The following ARHGAP17 variants were observed in gnomAD, a reference collection of about 807,000 sequenced individuals.
ARHGAP17 encodes the protein Rho GTPase activating protein 17.
ARHGAP17 carries 57 observed loss-of-function variants against 99.5 expected under a neutral mutation model. That is an observed-to-expected ratio of 0.57 (90% CI 0.46 to 0.71). The LOEUF (loss-of-function observed/expected upper bound fraction) is 0.71. ARHGAP17 is among the 30% of genes least tolerant of loss of function. The pLI, the probability that ARHGAP17 is intolerant of heterozygous loss-of-function variation, is 0.00. For synonymous variants in ARHGAP17, 417 were observed against 429.6 expected (o/e 0.97, Z 0.36); for missense variants, 1,000 against 1,122.4 (o/e 0.89, Z 1.56).
chr16:24,933,499 G>GAAA (rs555711611), intron 18 of ARHGAP17, among the ~76,000 whole-genome samples: 35 of 137,860 alleles, frequency 2.5e-4, no homozygotes, highest in African/African-American at 8.4e-4. Flanking sequence ...CATAAGAAAG[G>GAAA]AAAAAAAAAA....
intron 3 of ARHGAP17, among the ~76,000 whole-genome samples, chr16:24,974,430 A>G (rs1306008999): frequency 1.3e-5 from 2 of 152,104 alleles, no homozygotes; most frequent in Non-Finnish European, 2.9e-5. Flanking sequence ...TTCCATCTCA[A>G]AAAACAAACA....
intron 1 of ARHGAP17, among the ~76,000 whole-genome samples, chr16:24,987,189 A>G (rs2141407027): frequency 6.6e-6 from 1 of 152,342 alleles, no homozygotes; most frequent in Non-Finnish European, 1.5e-5. Context: ...TGCCACAGAC[A>G]TTGTATAAAT....
intron 9 of ARHGAP17, among the ~76,000 whole-genome samples, chr16:24,959,259 CT>C (rs770387058): frequency 3.3e-5 from 5 of 152,190 alleles, no homozygotes; most frequent in Non-Finnish European, 4.4e-5. Context: ...GTACTGGCTT[CT>C]CTTTTGGAAA....
chr16:24,986,145 A>C (rs1461952435), intron 1 of ARHGAP17, among the ~76,000 whole-genome samples: 2 of 152,218 alleles, frequency 1.3e-5, no homozygotes, highest in Non-Finnish European at 2.9e-5. Context: ...AATAGCCAAC[A>C]GTAGCAGCCA....
chr16:24,964,302 G>A lies in ARHGAP17; in HGVS notation c.468C>T (p.Asn156=), dbSNP rs774847731. 1.6e-5 allele frequency: 25 copies of A among 1,611,038 alleles called. No homozygotes were observed. The South Asian group carries it at 2.5e-4, about 16-fold the overall frequency. ...LDWDSVRARW[N]QAHKSSGTNF... ...TGGTTCCTGAGGATTTGTGAGCTTG[G>A]TTCCACCTGCAAAACAAAGGGGTCA... Residue 156 remains asparagine (N), a synonymous_variant, in exon 7 of 20, where the codon AAC becomes AAT. Coordinates refer to ENST00000289968, the MANE Select transcript of ARHGAP17 (RefSeq NM_001006634.3).
At chr16:24,988,367 G>T (rs1289516472) in intron 1 of ARHGAP17, among the ~76,000 whole-genome samples, 1 of 152,006 alleles carries the variant, frequency 6.6e-6, no homozygotes, top group Admixed American at 6.5e-5. Context: ...GCCTAACACT[G>T]AAAAGAAAAA....
chr16:24,933,310 C>G (rs1271422139), intron 18 of ARHGAP17, among the ~76,000 whole-genome samples: 1 of 151,762 alleles, frequency 6.6e-6, no homozygotes, highest in Admixed American at 6.6e-5. Flanking sequence ...CACAGTGAGA[C>G]CCCGACTCTA....
intron 1 of ARHGAP17, among the ~76,000 whole-genome samples, chr16:24,983,035 C>T (rs538131800): frequency 1.9e-5 from 2 of 102,900 alleles, no homozygotes; most frequent in Non-Finnish European, 3.5e-5. Flanking sequence ...GACAGGGTCT[C>T]GTTCTGTCAC....
rs758514204 is a variant in ARHGAP17 at position 24,968,721 on chromosome 16, G to A, written c.324C>T (p.Leu108=). 4 of 1,614,226 alleles carry A rather than the reference G, an allele frequency of 2.5e-6. No individual in the cohort carries two copies. The highest frequency in any genetic ancestry group is 3.4e-6 in the Non-Finnish European group (4 of 1,180,046). The change falls in exon 5 of 20, where the codon CTC becomes CTT. Residue 108 remains leucine, a synonymous_variant. Coordinates refer to ENST00000289968, the MANE Select transcript of ARHGAP17 (RefSeq NM_001006634.3). The stretch of plus-strand genomic sequence containing the variant: ...TCTCAACAAAGACTTCGTGCTGGGA[G>A]AGCTCGAGAGCCAGCTGATTCTCAG... ...GDAENQLALE[L]SQHEVFVEKE... is the part of the protein sequence containing the mutation.
At position 24,925,833 on chromosome 16, in the gene ARHGAP17, G is replaced by A. The variant is rs796652386; in HGVS notation, c.2515+4951C>T. Among the ~76,000 whole-genome samples the A allele has an allele frequency of 4.6e-5, 7 of 152,114 alleles. No individual in the cohort carries two copies. The South Asian group carries it at 8.3e-4, about 18-fold the overall frequency. ...GAAAAACTAAAAGAAAAAAAGGGGCGGGTGTGGTGGCTCACGCCTGTAATC... is the reference window on the plus strand; with the variant it reads ...GAAAAACTAAAAGAAAAAAAGGGGCAGGTGTGGTGGCTCACGCCTGTAATC... On this transcript the variant is annotated intron_variant, in intron 19 of 19. Transcript: ENST00000289968.
At chr16:24,951,357 G>T (rs1025831612) in intron 12 of ARHGAP17, among the ~76,000 whole-genome samples, 1 of 152,100 alleles carries the variant, frequency 6.6e-6, no homozygotes, top group Admixed American at 6.5e-5. Context: ...CTTTTATAAC[G>T]TTAATTAAAG....
At chr16:24,923,036 CACTTTATT>C (rs1475533321) in intron 19 of ARHGAP17, among the ~76,000 whole-genome samples, 1 of 152,176 alleles carries the variant, frequency 6.6e-6, no homozygotes, top group Non-Finnish European at 1.5e-5. Flanking sequence ...TATACACCCA[CACTTTATT>C]ACATCGTCTC....
chr16:24,961,911 T>TTA (rs67952203), intron 7 of ARHGAP17, among the ~76,000 whole-genome samples: 3,110 of 129,996 alleles, frequency 0.024, 50 homozygotes, highest in Middle Eastern at 0.042. Flanking sequence ...CATAGGAATT[T>TTA]TATATATATA....
intron 17 of ARHGAP17, among the ~76,000 whole-genome samples, chr16:24,939,084 G>A (rs2051233504): frequency 6.6e-6 from 1 of 152,234 alleles, no homozygotes; most frequent in Non-Finnish European, 1.5e-5. Flanking sequence ...AGGTGACAGA[G>A]GCTCATCACA....
intron 9 of ARHGAP17, chr16:24,957,679 A>T (rs2051852143): frequency 6.6e-6 from 1 of 152,288 alleles, no homozygotes; most frequent in Non-Finnish European, 1.5e-5. Context: ...CCTAAACAGC[A>T]GAGGGATTGG....
At chr16:24,987,519 C>A (rs148607721) in intron 1 of ARHGAP17, among the ~76,000 whole-genome samples, 12 of 152,304 alleles carry the variant, frequency 7.9e-5, no homozygotes, top group East Asian at 7.7e-4. Context: ...TTGAGAGACG[C>A]TGGCTTTTCA....
rs192684064 is a variant in ARHGAP17, at chr16:25,014,633, C to G, written c.53+576G>C. On this transcript the variant is annotated intron_variant, in intron 1 of 19. Transcript: ENST00000289968. ...GTTCCTAGGAGCCCTGGTTTTGAGA[C>G]AGCACCACCTCCGAATTCCCTCAAA... Among the ~76,000 whole-genome samples, 3 of 152,354 alleles carry G rather than the reference C, an allele frequency of 2.0e-5. 1 individual carries two copies. The highest frequency in any genetic ancestry group is 2.0e-4 in the Admixed American group (3 of 15,308).
intron 19 of ARHGAP17, among the ~76,000 whole-genome samples, chr16:24,929,090 G>A (rs1382217016): frequency 6.6e-6 from 1 of 151,926 alleles, no homozygotes; most frequent in African/African-American, 2.4e-5. Context: ...ATCAGTGACA[G>A]GTAAATCACA....
chr16:24,947,344 T>C, intron 14 of ARHGAP17, 138 bp downstream of exon 14: 1 of 729,122 alleles, frequency 1.4e-6, no homozygotes. Flanking sequence ...GTTCCAAGAA[T>C]ATAGGCTGAA....
Sources: allele counts gnomAD v4.1 joint callset (sites outside exome capture counted in the v4.1 genomes callset), GRCh38; gene constraint gnomAD v4.1.1; transcripts MANE v1.5; gene names NCBI Gene and HGNC (gene_info 2026-07-23, HGNC 2026-07-21).